The following CLASP2 variants were observed in gnomAD, a reference collection of about 807,000 sequenced individuals.
CLASP2 encodes cytoplasmic linker associated protein 2.
Under a neutral mutation model 194.4 loss-of-function variants are expected in CLASP2, and 47 were observed. The ratio of observed to expected loss-of-function variants is 0.24; its 90% CI spans 0.19 to 0.31. CLASP2 has a LOEUF of 0.31. Ranked by LOEUF, CLASP2 falls within the 10% of genes least tolerant of loss-of-function variation. CLASP2 has a pLI of 1.00. For synonymous variants in CLASP2, 619 were observed against 633.5 expected (o/e 0.98, Z 0.34); for missense variants, 1,445 against 1,823.6 (o/e 0.79, Z 3.78).
In CLASP2 at chr3:33,510,812, C is replaced by T. The variant is rs978574236; in HGVS notation, c.4111-48G>A. On this transcript the variant is annotated intron_variant, in intron 36 of 38. Transcript: ENST00000682230. ...CCAGAAAGTAATTTTTAAAATATTA[C>T]ACTACATCCTGGAAGTATAAACTTC... The T allele has an allele frequency of 2.1e-6, 3 of 1,449,818 alleles. No individual in the cohort carries two copies. The African/African-American group carries it at 4.2e-5, about 21-fold the overall frequency. 89.8% of individuals were successfully genotyped at this position (1,449,818 alleles called of 1,614,324 possible). A position where few individuals can be genotyped will look rare whatever the true frequency, so the allele number is the denominator to read the frequency against.
At chr3:33,545,478 A>G (rs1040718535) in intron 30 of CLASP2, among the ~76,000 whole-genome samples, 2 of 152,198 alleles carry the variant, frequency 1.3e-5, no homozygotes, top group African/African-American at 4.8e-5. Flanking sequence ...TGAAAAATAC[A>G]CCTGAATATA....
chr3:33,711,246 ATTTT>A (rs71070144), intron 1 of CLASP2, among the ~76,000 whole-genome samples: 3 of 133,972 alleles, frequency 2.2e-5, no homozygotes, highest in Admixed American at 7.6e-5. Flanking sequence ...CCAGTATTGC[ATTTT>A]TTTTTTTTTT....
intron 34 of CLASP2, among the ~76,000 whole-genome samples, chr3:33,531,618 T>C (rs2056323927): frequency 6.6e-6 from 1 of 152,050 alleles, no homozygotes; most frequent in Admixed American, 6.6e-5. Context: ...TCTACTAAAA[T>C]ACAAAAATTA....
intron 2 of CLASP2, 38 bp downstream of exon 2, chr3:33,696,817 A>G (rs760399544): frequency 8.5e-6 from 11 of 1,294,766 alleles, no homozygotes; most frequent in Non-Finnish European, 1.1e-5. Flanking sequence ...ATCATGTCAA[A>G]TCTTATTTAG....
At chr3:33,672,835 G>A (rs560439449) in intron 6 of CLASP2, among the ~76,000 whole-genome samples, 4 of 152,184 alleles carry the variant, frequency 2.6e-5, no homozygotes. Context: ...TGGAAGAAAG[G>A]GTATCAGTGA....
intron 6 of CLASP2, among the ~76,000 whole-genome samples, chr3:33,666,588 T>C (rs1174042064): frequency 6.6e-6 from 1 of 152,214 alleles, no homozygotes; most frequent in Non-Finnish European, 1.5e-5. Context: ...CCACATTTTG[T>C]TTATCTATTC....
intron 38 of CLASP2, among the ~76,000 whole-genome samples, chr3:33,500,693 A>C (rs1294979122): frequency 6.6e-6 from 1 of 152,070 alleles, no homozygotes; most frequent in Non-Finnish European, 1.5e-5. Flanking sequence ...CTATAACTTA[A>C]TGTAAAGTGT....
At chr3:33,620,864 G>A (rs1012042193) in intron 11 of CLASP2, among the ~76,000 whole-genome samples, 12 of 152,078 alleles carry the variant, frequency 7.9e-5, no homozygotes, top group African/African-American at 2.9e-4. Context: ...CCCTATATGA[G>A]CTCTGGGAAT....
intron 7 of CLASP2, chr3:33,659,067 T>C (rs768766677): frequency 6.5e-7 from 1 of 1,527,012 alleles, no homozygotes; most frequent in Non-Finnish European, 8.8e-7. Context: ...CCTGCGCCAC[T>C]GGGCTCGGCC....
At chr3:33,615,144 C>A (rs2154269870) in intron 12 of CLASP2, among the ~76,000 whole-genome samples, 1 of 150,742 alleles carries the variant, frequency 6.6e-6, no homozygotes, top group East Asian at 2.0e-4. Flanking sequence ...CAAGAATGAC[C>A]CAGAATCAAT....
In CLASP2 at chr3:33,658,871, C is replaced by T. The variant is rs892801089; in HGVS notation, c.715+4574G>A. 4 of 1,074,026 alleles carry T rather than the reference C, an allele frequency of 3.7e-6. No homozygotes were observed. In the African/African-American group the frequency reaches 6.3e-5, roughly 17 times the overall value. 66.5% of individuals were successfully genotyped at this position (1,074,026 alleles called of 1,614,324 possible). On this transcript the variant is annotated intron_variant, in intron 7 of 38. Coordinates refer to ENST00000682230, the MANE Select transcript of CLASP2 (RefSeq NM_001365631.1). The stretch of plus-strand genomic sequence containing the variant: ...ACACATGCATAAACACACAAGTGTC[C>T]TTCATTCTTTAGGGAGAAATATATT...
At chr3:33,599,134 T>C (rs759062364) in intron 18 of CLASP2, among the ~76,000 whole-genome samples, 1 of 147,108 alleles carries the variant, frequency 6.8e-6, no homozygotes, top group Non-Finnish European at 1.5e-5. Context: ...TTTATTTATT[T>C]TGGAGAACGT....
intron 34 of CLASP2, among the ~76,000 whole-genome samples, chr3:33,521,739 C>G (rs1032529595): frequency 2.6e-5 from 4 of 152,192 alleles, no homozygotes; most frequent in African/African-American, 9.7e-5. Context: ...TCTCCTCAAC[C>G]AGACAACAGA....
chr3:33,675,922 T>C (rs1036332688), intron 6 of CLASP2, among the ~76,000 whole-genome samples: 1 of 150,498 alleles, frequency 6.6e-6, no homozygotes, highest in Non-Finnish European at 1.5e-5. Context: ...CACTGCTCAA[T>C]GAAATTAAAG....
chr3:33,711,544 G>T (rs543184237), intron 1 of CLASP2, among the ~76,000 whole-genome samples: 1 of 151,602 alleles, frequency 6.6e-6, no homozygotes, highest in East Asian at 1.9e-4. Flanking sequence ...ACAGGTGTGA[G>T]CCACCATGCT....
intron 8 of CLASP2, among the ~76,000 whole-genome samples, chr3:33,634,314 T>C (rs947366835): frequency 6.6e-6 from 1 of 152,206 alleles, no homozygotes; most frequent in African/African-American, 2.4e-5. Flanking sequence ...AAACCATCAT[T>C]ACTATTTAAA....
intron 7 of CLASP2, among the ~76,000 whole-genome samples, chr3:33,663,197 C>CAAAA (rs60671856): frequency 3.2e-4 from 32 of 100,742 alleles, no homozygotes; most frequent in East Asian, 8.4e-4. Context: ...GCAGTATCAC[C>CAAAA]AAAAAAAAAA....
chr3:33,626,206 T>C (rs2078023430), intron 10 of CLASP2, among the ~76,000 whole-genome samples: 1 of 152,082 alleles, frequency 6.6e-6, no homozygotes, highest in Non-Finnish European at 1.5e-5. Flanking sequence ...AAAAGCCATA[T>C]TTGTCAAAAG....
intron 29 of CLASP2, among the ~76,000 whole-genome samples, chr3:33,552,600 T>C (rs1161118970): frequency 6.6e-6 from 1 of 152,236 alleles, no homozygotes; most frequent in East Asian, 1.9e-4. Context: ...TTTTAAAGTT[T>C]TATATATTTA....
Sources: allele counts gnomAD v4.1 joint callset (sites outside exome capture counted in the v4.1 genomes callset), GRCh38; gene constraint gnomAD v4.1.1; transcripts MANE v1.5; gene names NCBI Gene and HGNC (gene_info 2026-07-23, HGNC 2026-07-21).